Variants in ASXL1 observed in about 807,000 individuals in gnomAD.
ASXL1 encodes ASXL transcriptional regulator 1.
ASXL1 carries 65 observed loss-of-function variants against 89.1 expected under a neutral mutation model. The ratio of observed to expected loss-of-function variants is 0.73; its 90% CI spans 0.60 to 0.90. The LOEUF is 0.90. Ranked by LOEUF, ASXL1 falls within the 40% of genes least tolerant of loss-of-function variation. The pLI is 0.00. For synonymous variants in ASXL1, 739 were observed against 746.9 expected (o/e 0.99, Z 0.17); for missense variants, 1,786 against 1,942.9 (o/e 0.92, Z 1.52).
chr20:32,437,552 C>T lies in ASXL1; in HGVS notation c.*214C>T, dbSNP rs1440138267. On this transcript the variant is annotated 3_prime_UTR_variant, in exon 13 of 13. Coordinates refer to ENST00000375687, the MANE Select transcript of ASXL1 (RefSeq NM_015338.6). ...TCCTGGGTATAACCCATTGGGCTGC[C>T]CAAGGCCAGCCAGCCTGAGCTCTCC... 5.9e-6 allele frequency: 4 copies of T among 679,956 alleles called. No individual in the cohort carries two copies. The highest frequency in any genetic ancestry group is 5.4e-5 in the African/African-American group (3 of 55,572). The allele number at this position is 679,956 out of a possible 1,614,324, so 42.1% of individuals were successfully genotyped here. A position where few individuals can be genotyped will look rare whatever the true frequency, so the allele number is the denominator to read the frequency against.
chr20:32,435,749 A>C lies in ASXL1; in HGVS notation c.3037A>C (p.Ser1013Arg). The change falls in exon 13 of 13, where the codon AGC (serine) becomes CGC (arginine). Residue 1013 changes from serine (S) to arginine (R), a missense_variant. Physicochemically the swap from Ser to Arg is moderately radical, Grantham distance 110 (BLOSUM62 -1). This residue lies in a region of ASXL1 where 1,418 missense variants were observed against 1,427.8 expected (regional missense o/e 0.99). Coordinates refer to ENST00000375687, the MANE Select transcript of ASXL1 (RefSeq NM_015338.6). ...CTTTGAAGGTCACCTCACGGAGGAC[A>C]GCAGTGAGGCTGACACTAGAGAAGC... ...SDFEGHLTED[S>R]SEADTREAAV... The C allele has an allele frequency of 6.2e-7, 1 of 1,614,222 alleles. No homozygotes were observed. The highest frequency in any genetic ancestry group is 1.6e-4 in the Middle Eastern group (1 of 6,062).
intron 4 of ASXL1, among the ~76,000 whole-genome samples, chr20:32,384,294 C>T (rs2048541200): frequency 6.6e-6 from 1 of 150,790 alleles, no homozygotes; most frequent in Admixed American, 6.6e-5. Context: ...GCAACCTCCG[C>T]CTCCTGGGTT....
chr20:32,404,156 C>G (rs1433443463), intron 4 of ASXL1, among the ~76,000 whole-genome samples: 1 of 152,076 alleles, frequency 6.6e-6, no homozygotes, highest in Non-Finnish European at 1.5e-5. Flanking sequence ...TTGACCAACC[C>G]CTCTTTATCT....
intron 4 of ASXL1, among the ~76,000 whole-genome samples, chr20:32,401,550 T>TTTTTTTC (rs1555907089): frequency 7.7e-6 from 1 of 129,962 alleles, no homozygotes; most frequent in African/African-American, 3.4e-5. Context: ...GTGTGTTTTT[T>TTTTTTTC]CCCCCCCCCC....
intron 4 of ASXL1, among the ~76,000 whole-genome samples, chr20:32,414,633 T>C (rs1369031177): frequency 6.6e-6 from 1 of 152,226 alleles, no homozygotes; most frequent in Admixed American, 6.5e-5. Context: ...CTTTCAGTTC[T>C]TCTTTTGTTT....
intron 4 of ASXL1, among the ~76,000 whole-genome samples, chr20:32,410,530 T>C (rs2049024939): frequency 6.6e-6 from 1 of 152,198 alleles, no homozygotes; most frequent in African/African-American, 2.4e-5. Flanking sequence ...TGTACTATAA[T>C]CAAAGTTATG....
chr20:32,430,187 T>C, intron 8 of ASXL1, 134 bp downstream of exon 8: 2 of 1,225,276 alleles, frequency 1.6e-6, no homozygotes, highest in Non-Finnish European at 2.2e-6. Context: ...TTTTTGTTTA[T>C]TTTTACTTTG....
In ASXL1 at chr20:32,431,591, G is replaced by A. The variant is rs758987230; in HGVS notation, c.891G>A (p.Thr297=). ...LLPEVDRQVG[T]DGLLRLSSSA... ...CCCCTTGATCCTTCTAGGTGGGGAC[G>A]GATGGCCTGTTGCGTCTCAGCAGCA... is the stretch of plus-strand genomic sequence containing the variant. The change falls in exon 10 of 13, where the codon ACG becomes ACA. Residue 297 remains threonine, a synonymous_variant. Coordinates refer to ENST00000375687, the MANE Select transcript of ASXL1 (RefSeq NM_015338.6). The A allele has an allele frequency of 8.1e-5, 131 of 1,613,942 alleles. No individual in the cohort carries two copies. Among genetic ancestry groups the A allele is most frequent in the Non-Finnish European group, 1.1e-4 (124 of 1,180,020 alleles).
chr20:32,360,069 A>C, intron 1 of ASXL1: 1 of 399,970 alleles, frequency 2.5e-6, no homozygotes, highest in Non-Finnish European at 4.6e-6. Flanking sequence ...TGTTGTGCAA[A>C]AAAAAAAAAA....
chr20:32,383,407 C>T (rs909915636), intron 4 of ASXL1, among the ~76,000 whole-genome samples: 7 of 151,888 alleles, frequency 4.6e-5, no homozygotes, highest in East Asian at 1.9e-4. Context: ...CCCGGGTTCA[C>T]GCCATTCTCC....
At chr20:32,408,237 A>G (rs1319681369) in intron 4 of ASXL1, among the ~76,000 whole-genome samples, 2 of 152,020 alleles carry the variant, frequency 1.3e-5, no homozygotes, top group Non-Finnish European at 2.9e-5. Flanking sequence ...CCTGGCCTCA[A>G]ATTAATTTCT....
chr20:32,410,955 C>T (rs986019258), intron 4 of ASXL1, among the ~76,000 whole-genome samples: 1 of 145,200 alleles, frequency 6.9e-6, no homozygotes. Flanking sequence ...TCGCTTGAAC[C>T]CTGGAGATGG....
rs766073783 is a variant in ASXL1 at position 32,430,069 on chromosome 20, C to G, written c.718+16C>G. Reference sequence around the variant, plus strand: ...CCAGCCACAGGTGAGTGGCGTGGCACTTATTTCTCTGCCTGTAAAGGGGGC... The same window carrying G: ...CCAGCCACAGGTGAGTGGCGTGGCAGTTATTTCTCTGCCTGTAAAGGGGGC... On this transcript the variant is annotated intron_variant, in intron 8 of 12. Coordinates refer to ENST00000375687, the MANE Select transcript of ASXL1 (RefSeq NM_015338.6). The G allele has an allele frequency of 1.2e-6, 2 of 1,600,866 alleles. No individual in the cohort carries two copies. Among genetic ancestry groups the G allele is most frequent in the Non-Finnish European group, 8.5e-7 (1 of 1,179,208 alleles).
At chr20:32,360,913 A>G (rs1287743040) in intron 1 of ASXL1, 2 of 152,796 alleles carry the variant, frequency 1.3e-5, no homozygotes, top group African/African-American at 4.8e-5. Flanking sequence ...ACACCCGGCT[A>G]ATTTTTTATT....
intron 4 of ASXL1, among the ~76,000 whole-genome samples, chr20:32,375,486 T>C (rs1401309036): frequency 1.3e-5 from 2 of 151,728 alleles, no homozygotes; most frequent in African/African-American, 4.8e-5. Flanking sequence ...GACATTTTCC[T>C]ATATAACCAC....
At chr20:32,417,723 TA>T (rs1467976736) in intron 4 of ASXL1, among the ~76,000 whole-genome samples, 4 of 152,108 alleles carry the variant, frequency 2.6e-5, no homozygotes, top group Middle Eastern at 3.4e-3. Context: ...TGTGTAGGTT[TA>T]AAAAAAATTT....
rs1600548907 is a variant in ASXL1 at position 32,414,706 on chromosome 20, A to G, written c.253-13422A>G. Among the ~76,000 whole-genome samples, 3 of 152,328 alleles carry G rather than the reference A, an allele frequency of 2.0e-5. No homozygotes were observed. The South Asian group carries it at 6.2e-4, about 32-fold the overall frequency. On this transcript the variant is annotated intron_variant, in intron 4 of 12. Transcript: ENST00000375687. ...GCTGGTGGTTCTTGATAGGTCACTC[A>G]ACAGTGAGCAAACTGATGGATCCTG...
At chr20:32,372,287 G>T in intron 4 of ASXL1, 2 of 1,233,790 alleles carry the variant, frequency 1.6e-6, no homozygotes, top group Non-Finnish European at 2.1e-6. Flanking sequence ...TCTGAGATGT[G>T]CTAATTGAAT....
At chr20:32,418,726 A>G (rs555628602) in intron 4 of ASXL1, among the ~76,000 whole-genome samples, 8 of 148,330 alleles carry the variant, frequency 5.4e-5, no homozygotes, top group Non-Finnish European at 8.9e-5. Flanking sequence ...GTGCTTTTCC[A>G]TGTAAAATTC....
Sources: gnomAD v4.1 joint callset for allele counts (sites outside exome capture counted in the v4.1 genomes callset) on GRCh38, gnomAD v4.1.1 for gene constraint, gnomAD v4.1.1 regional missense constraint, MANE v1.5 for transcripts, NCBI Gene and HGNC (gene_info 2026-07-23, HGNC 2026-07-21) for gene names.